Variants in IQSEC1 observed in about 807,000 individuals in gnomAD.
IQSEC1 encodes the protein IQ motif and Sec7 domain ArfGEF 1.
IQSEC1 carries 31 observed loss-of-function variants against 91.0 expected under a neutral mutation model. That is an observed-to-expected ratio of 0.34 (90% confidence interval 0.26 to 0.46). The LOEUF is 0.46. IQSEC1 is among the 20% of genes least tolerant of loss of function. The probability of loss-of-function intolerance (pLI) is 1.00; values close to 1 mark genes in which losing one functional copy is unlikely to be tolerated. For missense variants in IQSEC1, 1,388 were observed against 1,575.6 expected, an observed-to-expected ratio of 0.88 and a Z score of 2.02; for synonymous variants, 699 against 662.6, an observed-to-expected ratio of 1.05 and a Z score of -0.84.
chr3:13,042,045 G>A lies in IQSEC1; in HGVS notation c.23+30947C>T, dbSNP rs1161135630. Among the ~76,000 whole-genome samples, 4 of 152,392 alleles carry A rather than the reference G, an allele frequency of 2.6e-5. No individual in the cohort carries two copies. In the South Asian group the frequency reaches 8.3e-4, roughly 32 times the overall value. On this transcript the variant is annotated intron_variant, in intron 1 of 13. Coordinates refer to ENST00000613206, the MANE Select transcript of IQSEC1 (RefSeq NM_001134382.3). ...CAATGAAACACAGTGCCTGGCCACA[G>A]AGCAGTCCAGGGTGACTCTTTCTCT...
In IQSEC1 at chr3:12,985,793, A is replaced by G. The variant is rs558616263; in HGVS notation, c.24-43928T>C. Reference sequence around the variant, plus strand: ...CATGTTTCTAGGGGGGCACATACATAGTCTTCACTGCATATTCTTTTATAA... The same window carrying G: ...CATGTTTCTAGGGGGGCACATACATGGTCTTCACTGCATATTCTTTTATAA... On this transcript the variant is annotated intron_variant, in intron 1 of 13. Transcript: ENST00000613206. 1.2e-4 allele frequency among the ~76,000 whole-genome samples: 19 copies of G among 152,366 alleles called. No individual in the cohort carries two copies. The East Asian group carries it at 3.7e-3, about 29-fold the overall frequency.
intron 1 of IQSEC1, among the ~76,000 whole-genome samples, chr3:13,222,427 T>C (rs1042854816): frequency 1.1e-4 from 16 of 152,318 alleles, no homozygotes; most frequent in African/African-American, 3.4e-4. Flanking sequence ...GTTGTGAACA[T>C]GGGTGTGCAC....
chr3:13,142,400 C>G (rs1576269260), intron 2 of IQSEC1, among the ~76,000 whole-genome samples: 1 of 152,310 alleles, frequency 6.6e-6, no homozygotes, highest in Non-Finnish European at 1.5e-5. Context: ...ATGCCCACTG[C>G]CCAGAATAAT....
chr3:13,225,472 G>A (rs1431876791), intron 1 of IQSEC1, among the ~76,000 whole-genome samples: 3 of 152,220 alleles, frequency 2.0e-5, no homozygotes, highest in Non-Finnish European at 4.4e-5. Context: ...CATATGGGCT[G>A]TGTTAAAATG....
chr3:12,902,710 T>C (rs376750876), intron 13 of IQSEC1, 63 bp downstream of exon 13: 25 of 688,170 alleles, frequency 3.6e-5, no homozygotes, highest in Admixed American at 1.1e-4. Context: ...ACAACAGATA[T>C]GAACTGAGGA....
chr3:13,127,560 G>A (rs1706538089), intron 2 of IQSEC1, among the ~76,000 whole-genome samples: 1 of 132,552 alleles, frequency 7.5e-6, no homozygotes, highest in African/African-American at 3.4e-5. Flanking sequence ...GGTAGAGTGA[G>A]TCCTCCTATT....
intron 1 of IQSEC1, among the ~76,000 whole-genome samples, chr3:13,227,824 C>A (rs150885734): frequency 6.6e-6 from 1 of 152,208 alleles, no homozygotes; most frequent in South Asian, 2.1e-4. Flanking sequence ...GACGTCCACA[C>A]GTGAGGAACA....
At chr3:13,149,707 C>A (rs1706958904) in intron 2 of IQSEC1, among the ~76,000 whole-genome samples, 1 of 151,944 alleles carries the variant, frequency 6.6e-6, no homozygotes, top group South Asian at 2.1e-4. Flanking sequence ...CCTGGCAGCT[C>A]CGCCTCCCCC....
chr3:13,145,810 G>T (rs1462475358), intron 2 of IQSEC1, among the ~76,000 whole-genome samples: 1 of 134,294 alleles, frequency 7.4e-6, no homozygotes, highest in Non-Finnish European at 1.6e-5. Context: ...GGGGCGGGGG[G>T]GGGGGGTCCT....
intron 1 of IQSEC1, among the ~76,000 whole-genome samples, chr3:13,170,959 G>C (rs540285939): frequency 6.6e-6 from 1 of 152,222 alleles, no homozygotes; most frequent in South Asian, 2.1e-4. Context: ...AATTAGCCGG[G>C]CATGATGGTG....
intron 1 of IQSEC1, among the ~76,000 whole-genome samples, chr3:12,999,490 G>A (rs933950461): frequency 1.3e-5 from 2 of 152,252 alleles, no homozygotes; most frequent in East Asian, 1.9e-4. Flanking sequence ...CAATGGTCTC[G>A]TCTGTCTGGG....
chr3:13,051,056 GC>G (rs1704673996), intron 1 of IQSEC1, among the ~76,000 whole-genome samples: 1 of 152,176 alleles, frequency 6.6e-6, no homozygotes, highest in African/African-American at 2.4e-5. Context: ...AGGTTTGCCA[GC>G]CCCAAGTCCA....
chr3:12,991,406 T>C (rs530671377), intron 1 of IQSEC1, among the ~76,000 whole-genome samples: 1 of 152,304 alleles, frequency 6.6e-6, no homozygotes, highest in African/African-American at 2.4e-5. Flanking sequence ...TGGTAATGAA[T>C]GCTGATCTGA....
intron 6 of IQSEC1, among the ~76,000 whole-genome samples, chr3:12,917,848 A>C (rs1696252252): frequency 6.6e-6 from 1 of 152,186 alleles, no homozygotes; most frequent in Admixed American, 6.5e-5. Context: ...TTAAGAACAA[A>C]CTTTAATAAC....
Position 13,210,922 on chromosome 3 carries a change from T to A in IQSEC1, c.273-46789A>T, listed in dbSNP as rs1034062540. On this transcript the variant is annotated intron_variant, in intron 1 of 15. Coordinates refer to the IQSEC1 transcript ENST00000648114. ...CAGTCAATGACTCCGGGAGGCCGAG[T>A]GGGAGGCGAGGAGGCTGTGACTCTA... 7.2e-5 allele frequency among the ~76,000 whole-genome samples: 11 copies of A among 152,114 alleles called. 1 individual carries two copies. Among genetic ancestry groups the A allele is most frequent in the African/African-American group, 2.4e-4 (10 of 41,418 alleles).
intron 6 of IQSEC1, 55 bp from the exon 7 acceptor site, chr3:12,915,788 C>T: frequency 6.3e-7 from 1 of 1,593,676 alleles, no homozygotes; most frequent in South Asian, 1.1e-5. Flanking sequence ...ACTCGATTTA[C>T]CAGTTTCTAA....
intron 2 of IQSEC1, among the ~76,000 whole-genome samples, chr3:13,092,305 C>A (rs1365375028): frequency 1.3e-5 from 2 of 152,126 alleles, no homozygotes; most frequent in Non-Finnish European, 2.9e-5. Flanking sequence ...AGCTCAAAGG[C>A]GCTAGGTGTA....
chr3:12,936,410 G>A lies in IQSEC1; in HGVS notation c.606C>T (p.Asp202=). The A allele has an allele frequency of 6.3e-7, 1 of 1,596,730 alleles. No individual in the cohort carries two copies. The highest frequency in any genetic ancestry group is 8.6e-7 in the Non-Finnish European group (1 of 1,169,298). ...LGALVSPECG[D]LSEPTTLKSP... is the part of the protein sequence containing the mutation. ...ACTTGAGGGTGGTGGGCTCGCTGAG[G>A]TCACCACACTCAGGGGACACCAGGG... Residue 202 remains aspartate (D), a synonymous_variant, in exon 3 of 14, where the codon GAC becomes GAT. Transcript: ENST00000613206.
intron 1 of IQSEC1, among the ~76,000 whole-genome samples, chr3:12,982,153 C>T (rs183683454): frequency 2.0e-5 from 3 of 152,240 alleles, no homozygotes; most frequent in South Asian, 2.1e-4. Flanking sequence ...TGCCAAAATC[C>T]CCCCCATTCT....
Sources: allele counts gnomAD v4.1 joint callset (sites outside exome capture counted in the v4.1 genomes callset), GRCh38; gene constraint gnomAD v4.1.1; transcripts MANE v1.5; gene names NCBI Gene and HGNC (gene_info 2026-07-23, HGNC 2026-07-21).